CAMK1: variants seen among roughly 807,000 people sequenced by gnomAD.
CAMK1 encodes the protein calcium/calmodulin dependent protein kinase I, also known as calcium/calmodulin-dependent protein kinase type 1.
In CAMK1, 39 loss-of-function variants were observed where a neutral mutation model predicts 49.1. The ratio of observed to expected loss-of-function variants is 0.79; its 90% CI spans 0.62 to 1.04. CAMK1 has a LOEUF of 1.04. CAMK1 is among the 50% of genes least tolerant of loss of function. CAMK1 has a pLI of 0.00. For missense variants in CAMK1, 457 were observed against 472.2 expected (o/e 0.97, Z 0.30); for synonymous variants, 192 against 185.2 (o/e 1.04, Z -0.30).
chr3:9,767,742 C>G lies in CAMK1; in HGVS notation c.8G>C (p.Gly3Ala). ...CTTCCACCTGGGGCCTTCCACTGCC[C>G]CCAGCATGGCCCACTGCCCCCCGAC... ML[G>A]AVEGPRWKQA... Residue 3 changes from glycine (G) to alanine (A), a missense_variant, in exon 2 of 12, where the codon GGG becomes GCG. By Grantham distance (60) the Gly-to-Ala change is moderately conservative. Transcript: ENST00000256460. 6.2e-7 allele frequency: 1 copy of G among 1,614,040 alleles called. No individual in the cohort carries two copies. The highest frequency in any genetic ancestry group is 1.1e-5 in the South Asian group (1 of 91,082).
chr3:9,758,404 CCA>C (rs1220841040), intron 10 of CAMK1: 1 of 154,792 alleles, frequency 6.5e-6, no homozygotes, highest in African/African-American at 2.4e-5. Context: ...CTGTTCCCAG[CCA>C]CAGTCTTGGG....
chr3:9,757,982 G>T lies in CAMK1; in HGVS notation c.913-136C>A. On this transcript the variant is annotated intron_variant, in intron 10 of 11. Transcript: ENST00000256460. This position sits in a 1 kb window ranked among gnomAD's most constrained non-coding sequence, Gnocchi z 4.5. The stretch of plus-strand genomic sequence containing the variant: ...GAGTTATTTTATTAATTCCCCTAAA[G>T]CCCCCCAAAAACCTCTACAAGGCTT... The T allele has an allele frequency of 7.0e-7, 1 of 1,426,104 alleles. No homozygotes were observed. The highest frequency in any genetic ancestry group is 9.2e-7 in the Non-Finnish European group (1 of 1,081,190). 88.3% of individuals were successfully genotyped at this position (1,426,104 alleles called of 1,614,324 possible).
chr3:9,767,040 C>T (rs1245184743), intron 2 of CAMK1, among the ~76,000 whole-genome samples: 1 of 152,158 alleles, frequency 6.6e-6, no homozygotes, highest in East Asian at 1.9e-4. Flanking sequence ...TACCTCTCTC[C>T]ACATAGAACC....
In CAMK1 at chr3:9,765,874, C is replaced by T; in HGVS notation, c.100G>A (p.Val34Met). The change falls in exon 3 of 12, where the codon GTG becomes ATG. Residue 34 changes from valine to methionine, a missense_variant. Transcript: ENST00000256460. Reference protein sequence around the residue: ...DVLGTGAFSEVILAEDKRTQK... With the variant: ...DVLGTGAFSEMILAEDKRTQK... ...GTCCTCTTATCTTCTGCCAGGATCA[C>T]CTCCGAGAAGGCCCCCCTATCGGGA... The T allele has an allele frequency of 6.2e-7, 1 of 1,614,112 alleles. No homozygotes were observed.
intron 2 of CAMK1, chr3:9,766,219 TG>T: frequency 2.7e-6 from 2 of 731,984 alleles, no homozygotes; most frequent in Non-Finnish European, 4.9e-6. Flanking sequence ...AGAGCCTGCT[TG>T]GGAATGAAAT....
rs935195361 is a variant in CAMK1 at position 9,757,556 on chromosome 3, G to A, written c.1096C>T (p.Leu366=). The change falls in exon 12 of 12, where the codon CTG becomes TTG. Residue 366 remains leucine (L), a synonymous_variant. Transcript: ENST00000256460. This position sits in a 1 kb window ranked among gnomAD's most constrained non-coding sequence, Gnocchi z 4.5. ...CCAGGGCCCTAGAGCTGGTGGGGCA[G>A]TGTGGGGGACAGTTCTGTGCCCGGC... is the stretch of plus-strand genomic sequence containing the variant. ...VEPGTELSPT[L]PHQL The A allele has an allele frequency of 6.2e-7, 1 of 1,613,888 alleles. No individual in the cohort carries two copies. Among genetic ancestry groups the A allele is most frequent in the South Asian group, 1.1e-5 (1 of 91,066 alleles).
intron 6 of CAMK1, 30 bp downstream of exon 6, chr3:9,761,601 A>G (rs2077876243): frequency 1.2e-6 from 2 of 1,613,656 alleles, no homozygotes; most frequent in African/African-American, 2.7e-5. Flanking sequence ...TCCCCCCACC[A>G]TCACAGCCCC....
intron 7 of CAMK1, chr3:9,761,022 C>A: frequency 2.1e-6 from 1 of 473,336 alleles, no homozygotes. Context: ...TTCCCCACAC[C>A]TCCAATGTCT....
chr3:9,760,572 A>G, intron 8 of CAMK1, 84 bp downstream of exon 8: 1 of 1,381,382 alleles, frequency 7.2e-7, no homozygotes, highest in Non-Finnish European at 1.0e-6. Context: ...CGACAGAAGG[A>G]AGGCAGGAGG....
At chr3:9,759,819 C>A (rs762600121) in intron 8 of CAMK1, 69 bp from the exon 9 acceptor site, 1 of 1,612,952 alleles carries the variant, frequency 6.2e-7, no homozygotes, top group South Asian at 1.1e-5. Context: ...CAAGAGCATA[C>A]CCACTCCCTC....
At chr3:9,769,290 C>A (rs1388092408) in intron 1 of CAMK1, among the ~76,000 whole-genome samples, 1 of 151,954 alleles carries the variant, frequency 6.6e-6, no homozygotes, top group Non-Finnish European at 1.5e-5. Flanking sequence ...CCTACACCCT[C>A]CAGCTCCTCT....
rs1007503426 is a variant in CAMK1, at chr3:9,765,990, A to C, written c.84-100T>G. On this transcript the variant is annotated intron_variant, in intron 2 of 11. Transcript: ENST00000256460. ...GGGTTCTGTGACCACTGCTGGACCA[A>C]GGACGTGGATGACCCTCCCCTAGTC... is the stretch of plus-strand genomic sequence containing the variant. 1.9e-6 allele frequency: 3 copies of C among 1,614,186 alleles called. No homozygotes were observed. In the South Asian group the frequency reaches 3.3e-5, roughly 18 times the overall value.
intron 7 of CAMK1, 126 bp downstream of exon 7, chr3:9,761,335 G>T: frequency 1.1e-6 from 1 of 926,828 alleles, no homozygotes; most frequent in Non-Finnish European, 1.6e-6. Context: ...ACTGGTAATT[G>T]ATTGGTGGAA....
rs1385121570 is a variant in CAMK1, at chr3:9,765,866, C to G, written c.108G>C (p.Leu36=). 1 of 1,613,996 alleles carries G rather than the reference C, an allele frequency of 6.2e-7. No homozygotes were observed. ...LGTGAFSEVI[L]AEDKRTQKLV... ...GCTTCTGCGTCCTCTTATCTTCTGC[C>G]AGGATCACCTCCGAGAAGGCCCCCC... is the stretch of plus-strand genomic sequence containing the variant. Residue 36 remains leucine (L), a synonymous_variant, in exon 3 of 12, where the codon CTG becomes CTC. Coordinates refer to ENST00000256460, the MANE Select transcript of CAMK1 (RefSeq NM_003656.5).
chr3:9,768,854 G>T (rs1323130010), intron 1 of CAMK1, among the ~76,000 whole-genome samples: 1 of 152,094 alleles, frequency 6.6e-6, no homozygotes, highest in Non-Finnish European at 1.5e-5. Flanking sequence ...TTTCCCAGGG[G>T]ACCCTGCCCA....
rs779505775 is a variant in CAMK1, at chr3:9,759,841, G to C, written c.746-91C>G. ...ATACCCACTCCCTCAGGTCTGGCCTGGCATCAAGACAAAGAGGCCAAATCA... is the reference window on the plus strand; with the variant it reads ...ATACCCACTCCCTCAGGTCTGGCCTCGCATCAAGACAAAGAGGCCAAATCA... On this transcript the variant is annotated intron_variant, in intron 8 of 11. Coordinates refer to ENST00000256460, the MANE Select transcript of CAMK1 (RefSeq NM_003656.5). 28 of 1,606,848 alleles carry C rather than the reference G, an allele frequency of 1.7e-5. No homozygotes were observed. In the East Asian group the frequency reaches 5.8e-4, roughly 33 times the overall value.
intron 7 of CAMK1, chr3:9,760,988 C>A: frequency 1.7e-6 from 1 of 581,956 alleles, no homozygotes; most frequent in Non-Finnish European, 2.9e-6. Context: ...TTGCACTTGC[C>A]ATTGCTTCTG....
In CAMK1 at chr3:9,765,888, C is replaced by G; in HGVS notation, c.86G>C (p.Gly29Ala). Reference protein sequence around the residue: ...IYDFRDVLGTGAFSEVILAED... With the variant: ...IYDFRDVLGTAAFSEVILAED... ...TGCCAGGATCACCTCCGAGAAGGCC[C>G]CCCTATCGGGAGAGGGGATTCACAA... Residue 29 changes from glycine to alanine, a missense_variant and splice_region_variant, in exon 3 of 12, where the codon GGG (glycine) becomes GCG (alanine). Gly to Ala is a moderately conservative substitution (Grantham distance 60). Coordinates refer to ENST00000256460, the MANE Select transcript of CAMK1 (RefSeq NM_003656.5). The G allele has an allele frequency of 2.5e-6, 4 of 1,614,132 alleles. No individual in the cohort carries two copies. The highest frequency in any genetic ancestry group is 3.4e-6 in the Non-Finnish European group (4 of 1,180,028).
At chr3:9,759,356 G>C in intron 10 of CAMK1, 132 bp downstream of exon 10, 2 of 1,538,394 alleles carry the variant, frequency 1.3e-6, no homozygotes, top group East Asian at 2.2e-5. Context: ...AATGAATGAA[G>C]TCCTTCAGTA....
Sources: allele counts gnomAD v4.1 joint callset (sites outside exome capture counted in the v4.1 genomes callset), GRCh38; gene constraint gnomAD v4.1.1; non-coding constraint Gnocchi (gnomAD v3.1); transcripts MANE v1.5; gene names NCBI Gene and HGNC (gene_info 2026-07-23, HGNC 2026-07-21).